The following SYNE2 variants were observed in gnomAD, a reference collection of about 807,000 sequenced individuals.
The protein encoded by SYNE2 is nesprin-2.
Under a neutral mutation model 856.3 loss-of-function variants are expected in SYNE2, and 431 were observed. That is an observed-to-expected ratio of 0.50 (90% CI 0.47 to 0.55). The LOEUF (loss-of-function observed/expected upper bound fraction) is 0.55. Among genes scored for constraint, SYNE2 ranks in the 20% least tolerant of loss-of-function variants. The probability of loss-of-function intolerance (pLI) is 0.00; values close to 1 mark genes in which losing one functional copy is unlikely to be tolerated. For missense variants in SYNE2, 8,129 were observed against 8,023.2 expected (o/e 1.01, Z -0.50); for synonymous variants, 2,923 against 2,872.3 (o/e 1.02, Z -0.56).
chr14:64,023,572 C>T (rs183734618), intron 38 of SYNE2: 7 of 152,544 alleles, frequency 4.6e-5, no homozygotes, highest in South Asian at 2.1e-4. Context: ...TAAAAATTGC[C>T]GCTGAACTTC....
chr14:64,000,802 A>G (rs2096748191), intron 28 of SYNE2, 83 bp downstream of exon 28: 1 of 1,250,320 alleles, frequency 8.0e-7, no homozygotes, highest in Non-Finnish European at 1.1e-6. Context: ...TTCTTGCTAT[A>G]CTAAGTATGT....
intron 14 of SYNE2, among the ~76,000 whole-genome samples, chr14:63,979,881 G>C (rs2096572799): frequency 6.6e-6 from 1 of 152,046 alleles, no homozygotes; most frequent in African/African-American, 2.4e-5. Flanking sequence ...ACTCCAGCCT[G>C]GGCGACAGAG....
Position 64,001,926 on chromosome 14 carries a change from G to A in SYNE2, c.3639-8G>A. Reference sequence around the variant, plus strand: ...TTTCCCCTCATGTCTGATTTACCTTGCACCCAGAATGGAATCTTTAGAGAC... The same window carrying A: ...TTTCCCCTCATGTCTGATTTACCTTACACCCAGAATGGAATCTTTAGAGAC... On this transcript the variant is annotated splice_region_variant and splice_polypyrimidine_tract_variant and intron_variant, in intron 28 of 115. Transcript: ENST00000555002. 6.2e-7 allele frequency: 1 copy of A among 1,613,966 alleles called. No homozygotes were observed. Among genetic ancestry groups the A allele is most frequent in the Non-Finnish European group, 8.5e-7 (1 of 1,179,966 alleles).
chr14:64,178,640 G>A (rs186021326), intron 96 of SYNE2, among the ~76,000 whole-genome samples: 1 of 152,098 alleles, frequency 6.6e-6, no homozygotes, highest in Non-Finnish European at 1.5e-5. Context: ...TCTATTTTTT[G>A]TAGAGACAGG....
At chr14:63,972,508 A>G (rs1595957500) in intron 11 of SYNE2, among the ~76,000 whole-genome samples, 1 of 152,334 alleles carries the variant, frequency 6.6e-6, no homozygotes, top group East Asian at 1.9e-4. Context: ...CCATGTATGC[A>G]GTTTCTGGTT....
intron 112 of SYNE2, among the ~76,000 whole-genome samples, chr14:64,222,193 T>A (rs2140425208): frequency 6.6e-6 from 1 of 152,310 alleles, no homozygotes; most frequent in African/African-American, 2.4e-5. Context: ...TTTTCATCCA[T>A]AAATCTGTAT....
At chr14:63,998,629 T>C (rs2096731065) in intron 26 of SYNE2, among the ~76,000 whole-genome samples, 1 of 152,214 alleles carries the variant, frequency 6.6e-6, no homozygotes, top group African/African-American at 2.4e-5. Flanking sequence ...TGGCGCCATC[T>C]TGGCTTGCTG....
In SYNE2 at chr14:64,101,818, T is replaced by C; in HGVS notation, c.12382-114T>C. On this transcript the variant is annotated intron_variant, in intron 63 of 115. Transcript: ENST00000555002. The stretch of plus-strand genomic sequence containing the variant: ...GGGGGAGGACTGCAATAAAGGGCTG[T>C]GGTTACACTGCCTGATAAGTTGAGT... The C allele has an allele frequency of 6.6e-6, 5 of 755,830 alleles. No homozygotes were observed. In the South Asian group the frequency reaches 7.3e-5, roughly 11 times the overall value. The allele number at this position is 755,830 out of a possible 1,614,324, so 46.8% of individuals were successfully genotyped here. A position where few individuals can be genotyped will look rare whatever the true frequency, so the allele number is the denominator to read the frequency against.
rs944890185 is a variant in SYNE2, at chr14:63,901,793, G to A, written c.-51-7305G>A. Among the ~76,000 whole-genome samples, 14 of 151,888 alleles carry A rather than the reference G, an allele frequency of 9.2e-5. No individual in the cohort carries two copies. The South Asian group carries it at 1.2e-3, about 14-fold the overall frequency. Reference sequence around the variant, plus strand: ...TTAAAAATTAGCCAAGCGTGGTGGCGTGTGCCTGTAGTTCTAGCTACTTGG... The same window carrying A: ...TTAAAAATTAGCCAAGCGTGGTGGCATGTGCCTGTAGTTCTAGCTACTTGG... On this transcript the variant is annotated intron_variant, in intron 1 of 115. Transcript: ENST00000555002.
chr14:63,959,498 G>A (rs750438808), intron 8 of SYNE2, among the ~76,000 whole-genome samples: 7 of 151,450 alleles, frequency 4.6e-5, no homozygotes, highest in Non-Finnish European at 1.0e-4. Context: ...GGGTTTCGCC[G>A]TGTTGGCCAG....
chr14:64,219,293 T>C lies in SYNE2; in HGVS notation c.19743T>C (p.Ser6581=). 2.5e-6 allele frequency: 4 copies of C among 1,614,094 alleles called. No homozygotes were observed. Among genetic ancestry groups the C allele is most frequent in the Non-Finnish European group, 3.4e-6 (4 of 1,180,030 alleles). ...AACAAAATTTGCAACAGCTGAACTC[T>C]GATATCAGCGCCATCACTACTTGGC... is the stretch of plus-strand genomic sequence containing the variant. ...KIKQNLQQLN[S]DISAITTWLK... is the part of the protein sequence containing the mutation. Residue 6581 remains serine (S), a synonymous_variant, in exon 110 of 116, where the codon TCT becomes TCC. Coordinates refer to ENST00000555002, the MANE Select transcript of SYNE2 (RefSeq NM_182914.3).
intron 50 of SYNE2, among the ~76,000 whole-genome samples, chr14:64,063,468 G>A (rs2153589527): frequency 6.6e-6 from 1 of 152,300 alleles, no homozygotes; most frequent in Non-Finnish European, 1.5e-5. Context: ...CCTCACTGAT[G>A]GCTTTTCTAA....
chr14:63,993,719 G>A, intron 21 of SYNE2, 116 bp from the exon 22 acceptor site: 2 of 874,802 alleles, frequency 2.3e-6, no homozygotes, highest in Admixed American at 2.7e-5. Flanking sequence ...ATTCTTCAGA[G>A]AGCACCTTCC....
chr14:64,208,966 A>C (rs372969644), intron 101 of SYNE2, 21 bp downstream of exon 101: 2 of 1,612,024 alleles, frequency 1.2e-6, no homozygotes, highest in African/African-American at 1.3e-5. Context: ...AGCTCCCCCA[A>C]ATGCCTTCAG....
At chr14:63,942,558 C>G (rs1268969348) in intron 6 of SYNE2, among the ~76,000 whole-genome samples, 6 of 151,524 alleles carry the variant, frequency 4.0e-5, no homozygotes, top group Admixed American at 2.6e-4. Flanking sequence ...TGCAGTGGTG[C>G]AGTCTTGGCT....
At position 64,212,858 on chromosome 14, in the gene SYNE2, C is replaced by T. The variant is rs760033738; in HGVS notation, c.18909C>T (p.Leu6303=). The stretch of plus-strand genomic sequence containing the variant: ...TAAATACCAACAAGATTGATCAGCT[C>T]ATTGTGTTTGGGGAGCAGCTGATTC... ...ITLNTNKIDQ[L]IVFGEQLIQK... is the part of the protein sequence containing the mutation. Residue 6303 remains leucine, a synonymous_variant, in exon 105 of 116, where the codon CTC becomes CTT. Transcript: ENST00000555002. 7 of 1,614,214 alleles carry T rather than the reference C, an allele frequency of 4.3e-6. No homozygotes were observed. Among genetic ancestry groups the T allele is most frequent in the African/African-American group, 2.7e-5 (2 of 75,054 alleles).
At position 64,190,652 on chromosome 14, in the gene SYNE2, CA is replaced by C. The variant is rs1467434821; in HGVS notation, c.18038+416del. The C allele has an allele frequency of 4.3e-6, 3 of 700,992 alleles. No homozygotes were observed. In the African/African-American group the frequency reaches 5.2e-5, roughly 12 times the overall value. The allele number at this position is 700,992 out of a possible 1,614,324, so 43.4% of individuals were successfully genotyped here. ...GCCTGGCTTCTGGATGCTGGGGGCC[CA>C]TGACTGCCCCACTACTTGCACTCAA... On this transcript the variant is annotated intron_variant, in intron 99 of 115. Transcript: ENST00000555002.
intron 41 of SYNE2, among the ~76,000 whole-genome samples, chr14:64,025,708 C>T (rs1440443209): frequency 6.6e-6 from 1 of 152,122 alleles, no homozygotes; most frequent in Admixed American, 6.5e-5. Flanking sequence ...TGAATCAGAG[C>T]TGCTAGTGGG....
At chr14:64,012,536 A>G (rs1022771334) in intron 32 of SYNE2, among the ~76,000 whole-genome samples, 2 of 152,216 alleles carry the variant, frequency 1.3e-5, no homozygotes, top group Non-Finnish European at 2.9e-5. Context: ...AAAATTAATT[A>G]AAACTCTGCT....
Sources: gnomAD v4.1 joint callset for allele counts (sites outside exome capture counted in the v4.1 genomes callset) on GRCh38, gnomAD v4.1.1 for gene constraint, MANE v1.5 for transcripts, NCBI Gene and HGNC (gene_info 2026-07-23, HGNC 2026-07-21) for gene names.